The following TMEM164 variants were observed in gnomAD, a reference collection of about 807,000 sequenced individuals.
The protein encoded by TMEM164 is RP13-360B22.2.
A neutral mutation model predicts 18.8 loss-of-function variants in TMEM164; 4 were observed. That is an observed-to-expected ratio of 0.21 (90% CI 0.10 to 0.49). The LOEUF is 0.49. Among genes scored for constraint, TMEM164 ranks in the 20% least tolerant of loss-of-function variants. TMEM164 has a pLI of 0.98. For synonymous variants in TMEM164, 86 were observed against 101.7 expected (o/e 0.85, Z 0.93); for missense variants, 108 against 239.9 (o/e 0.45, Z 3.63).
chrX:110,046,368 T>C, intron 2 of TMEM164: 1 of 753,678 alleles, frequency 1.3e-6, no homozygotes, highest in Non-Finnish European at 1.6e-6. Flanking sequence ...CAACTCTTGA[T>C]TATTCATGTA....
intron 3 of TMEM164, among the ~76,000 whole-genome samples, chrX:110,097,337 G>A (rs2066037662): frequency 8.9e-6 from 1 of 112,356 alleles, no homozygotes; most frequent in Non-Finnish European, 1.9e-5. Flanking sequence ...AAGGAAAGAA[G>A]TAGATCCAGA....
chrX:110,133,117 C>T (rs1039028029), intron 4 of TMEM164, among the ~76,000 whole-genome samples: 6 of 111,381 alleles, frequency 5.4e-5, no homozygotes, highest in Non-Finnish European at 9.4e-5. Flanking sequence ...GGGTTTTTTC[C>T]TCTGTGTCTG....
chrX:110,117,851 G>A (rs141332084), intron 4 of TMEM164, among the ~76,000 whole-genome samples: 629 of 111,844 alleles, frequency 5.6e-3, no homozygotes, highest in African/African-American at 0.019. Context: ...ATATTTCTAG[G>A]ATTGTTGGTT....
At chrX:110,162,259 T>C (rs2067103279) in intron 5 of TMEM164, among the ~76,000 whole-genome samples, 1 of 112,783 alleles carries the variant, frequency 8.9e-6, no homozygotes, top group South Asian at 3.7e-4. Flanking sequence ...CCTGGGTCCT[T>C]GGACTTCAGT....
intron 2 of TMEM164, among the ~76,000 whole-genome samples, chrX:110,056,986 T>C (rs915711363): frequency 9.0e-6 from 1 of 111,063 alleles, no homozygotes; most frequent in Non-Finnish European, 1.9e-5. Context: ...AACACATGCA[T>C]TACATCATAG....
At chrX:110,153,891 A>G (rs1231202595) in intron 5 of TMEM164, among the ~76,000 whole-genome samples, 1 of 111,643 alleles carries the variant, frequency 9.0e-6, no homozygotes, top group Non-Finnish European at 1.9e-5. Flanking sequence ...CCTGCTTTAA[A>G]TCATCTCTAG....
intron 4 of TMEM164, among the ~76,000 whole-genome samples, chrX:110,132,036 TG>T (rs1459144918): frequency 9.0e-6 from 1 of 111,609 alleles, no homozygotes; most frequent in Non-Finnish European, 1.9e-5. Context: ...GCCTGAAGTA[TG>T]GAACAGACAA....
At chrX:110,120,550 T>A (rs1310556874) in intron 4 of TMEM164, among the ~76,000 whole-genome samples, 5 of 112,274 alleles carry the variant, frequency 4.5e-5, no homozygotes, top group Non-Finnish European at 9.4e-5. Context: ...GAAGATCAAA[T>A]CAATCTTGTT....
At chrX:110,144,740 C>A in intron 4 of TMEM164, 58 bp from the exon 5 acceptor site, 2 of 1,037,744 alleles carry the variant, frequency 1.9e-6, no homozygotes, top group Non-Finnish European at 2.7e-6. Flanking sequence ...CAACTTTGGA[C>A]TCTGTTGAAA....
At chrX:110,071,989 C>CTT (rs771070013) in intron 3 of TMEM164, among the ~76,000 whole-genome samples, 17 of 110,244 alleles carry the variant, frequency 1.5e-4, no homozygotes, top group Non-Finnish European at 2.8e-4. Context: ...GTCTGGAATA[C>CTT]TTTAACTACC....
intron 4 of TMEM164, among the ~76,000 whole-genome samples, chrX:110,134,347 C>T (rs772691004): frequency 9.1e-6 from 1 of 110,455 alleles, no homozygotes; most frequent in East Asian, 2.9e-4. Flanking sequence ...GCCAGGAGTT[C>T]GAGACAAGTC....
intron 5 of TMEM164, among the ~76,000 whole-genome samples, chrX:110,168,794 G>T (rs994168074): frequency 1.8e-5 from 2 of 112,429 alleles, no homozygotes; most frequent in African/African-American, 6.5e-5. Context: ...ATGTTCCCAT[G>T]ACTTCAGTTA....
chrX:110,069,570 C>CTTT lies in TMEM164; in HGVS notation c.440+2188_440+2190dup, dbSNP rs72102436. ...CCTTTCCCAAATATGTTTATATTGACTTTTTTTTTTTTTTTTAATTATTTT... is the reference window on the plus strand; with the variant it reads ...CCTTTCCCAAATATGTTTATATTGACTTTTTTTTTTTTTTTTTTTAATTATTTT... On this transcript the variant is annotated intron_variant, in intron 3 of 6. Transcript: ENST00000372068. Among the ~76,000 whole-genome samples, 704 of 91,423 alleles carry CTTT rather than the reference C, an allele frequency of 7.7e-3. 6 individuals carry two copies. The highest frequency in any genetic ancestry group is 0.025 in the African/African-American group (639 of 25,191). The allele number at this position is 91,423 out of a possible 115,157, so 79.4% of individuals were successfully genotyped here.
At position 110,152,053 on chromosome X, in the gene TMEM164, TTTC is replaced by T. The variant is rs1482030840; in HGVS notation, c.586+7180_586+7182del. On this transcript the variant is annotated intron_variant, in intron 5 of 6. Transcript: ENST00000372068. ...TCTTCTTCTTTTTTTTTTCTTTTCTTTTCTTTTTTTTTTTTTTGTCTGAGACGT... is the reference window on the plus strand; with the variant it reads ...TCTTCTTCTTTTTTTTTTCTTTTCTTTTTTTTTTTTTTTTGTCTGAGACGT... 6.8e-3 allele frequency among the ~76,000 whole-genome samples: 678 copies of T among 99,781 alleles called. 12 individuals are homozygous for T. Among genetic ancestry groups the T allele is most frequent in the African/African-American group, 0.028 (641 of 23,040 alleles). 86.6% of individuals were successfully genotyped at this position (99,781 alleles called of 115,157 possible). A position where few individuals can be genotyped will look rare whatever the true frequency, so the allele number is the denominator to read the frequency against.
rs2065759305 is a variant in TMEM164, at chrX:110,081,661, A to G, written c.440+14265A>G. The stretch of plus-strand genomic sequence containing the variant: ...TTTAAATTGTTAAAAGTATGAAAGC[A>G]TCTTATTTAAAATTCCCTATGTCTC... On this transcript the variant is annotated intron_variant, in intron 3 of 6. Coordinates refer to ENST00000372068, the MANE Select transcript of TMEM164 (RefSeq NM_032227.4). 2.7e-5 allele frequency among the ~76,000 whole-genome samples: 3 copies of G among 112,640 alleles called. No homozygotes were observed. In the South Asian group the frequency reaches 1.1e-3, roughly 41 times the overall value.
intron 3 of TMEM164, among the ~76,000 whole-genome samples, chrX:110,092,500 GCTCT>G (rs1413234996): frequency 9.0e-6 from 1 of 111,365 alleles, no homozygotes; most frequent in African/African-American, 3.3e-5. Context: ...TCATGATTTG[GCTCT>G]CTGTTTGTCT....
intron 4 of TMEM164, among the ~76,000 whole-genome samples, chrX:110,131,850 G>T (rs140817993): frequency 1.8e-5 from 2 of 112,027 alleles, no homozygotes; most frequent in Admixed American, 9.4e-5. Flanking sequence ...TCTTTTTTGT[G>T]TATGAAATTC....
intron 3 of TMEM164, among the ~76,000 whole-genome samples, chrX:110,074,401 G>A (rs959289323): frequency 3.1e-4 from 35 of 111,705 alleles, no homozygotes; most frequent in African/African-American, 1.1e-3. Flanking sequence ...TTCCCATTCT[G>A]TATGTTGTCT....
intron 2 of TMEM164, among the ~76,000 whole-genome samples, chrX:110,046,715 C>T (rs2147796074): frequency 8.9e-6 from 1 of 112,275 alleles, no homozygotes; most frequent in Admixed American, 9.4e-5. Flanking sequence ...GTTTCCTCTC[C>T]CATCTATTGT....
Sources: allele counts gnomAD v4.1 joint callset (sites outside exome capture counted in the v4.1 genomes callset), GRCh38; gene constraint gnomAD v4.1.1; transcripts MANE v1.5; gene names NCBI Gene and HGNC (gene_info 2026-07-23, HGNC 2026-07-21).